TMEM106A: variants seen among roughly 807,000 people sequenced by gnomAD.
TMEM106A encodes the protein transmembrane protein 106A.
TMEM106A carries 22 observed loss-of-function variants against 25.1 expected under a neutral mutation model. The ratio of observed to expected loss-of-function variants is 0.88; its 90% confidence interval spans 0.63 to 1.25. TMEM106A has a LOEUF of 1.25. TMEM106A is among the 50% of genes most tolerant of loss of function. The probability of loss-of-function intolerance (pLI) is 0.00; values close to 1 mark genes in which losing one functional copy is unlikely to be tolerated. For synonymous variants in TMEM106A, 104 were observed against 129.9 expected (o/e 0.80, Z 1.35); for missense variants, 275 against 318.1 (o/e 0.86, Z 1.03).
intron 7 of TMEM106A, 108 bp from the exon 8 acceptor site, chr17:43,217,147 TGGAA>T: frequency 8.9e-7 from 1 of 1,124,060 alleles, no homozygotes; most frequent in Non-Finnish European, 1.4e-6. Context: ...GGGCACCTGA[TGGAA>T]GGAAAGAGTT....
At position 43,217,792 on chromosome 17, in the gene TMEM106A, C is replaced by A. The variant is rs1220893083; in HGVS notation, c.780C>A (p.His260Gln). 1.9e-6 allele frequency: 3 copies of A among 1,614,068 alleles called. No homozygotes were observed. Among genetic ancestry groups the A allele is most frequent in the Non-Finnish European group, 2.5e-6 (3 of 1,180,042 alleles). ...CTGTGCCCCACCAGCTGACCCCTCACCCACCATGACCTGTCTGCTGTCCCT... is the reference window on the plus strand; with the variant it reads ...CTGTGCCCCACCAGCTGACCCCTCAACCACCATGACCTGTCTGCTGTCCCT... Reference protein sequence around the residue: ...NASVPHQLTPHPP With the variant: ...NASVPHQLTPQPP Residue 260 changes from histidine to glutamine, a missense_variant, in exon 9 of 9, where the codon CAC becomes CAA. Physicochemically the swap from His to Gln is conservative, Grantham distance 24. Transcript: ENST00000612339.
chr17:43,217,816 C>T lies in TMEM106A; in HGVS notation c.*15C>T. On this transcript the variant is annotated 3_prime_UTR_variant, in exon 9 of 9. Coordinates refer to ENST00000612339, the MANE Select transcript of TMEM106A (RefSeq NM_145041.4). ...ACCCACCATGACCTGTCTGCTGTCC[C>T]TGTACTCCAGGCACCTGCAACCCTG... 6.2e-7 allele frequency: 1 copy of T among 1,614,002 alleles called. No individual in the cohort carries two copies. Among genetic ancestry groups the T allele is most frequent in the Non-Finnish European group, 8.5e-7 (1 of 1,179,918 alleles).
chr17:43,215,531 A>C (rs2057476712), intron 4 of TMEM106A, among the ~76,000 whole-genome samples: 1 of 152,196 alleles, frequency 6.6e-6, no homozygotes, highest in Admixed American at 6.5e-5. Context: ...AAGGAAACTG[A>C]GACTTAAGGA....
chr17:43,219,116 G>A lies in TMEM106A; in HGVS notation c.*1315G>A, dbSNP rs1301743386. On this transcript the variant is annotated 3_prime_UTR_variant, in exon 9 of 9. Coordinates refer to ENST00000612339, the MANE Select transcript of TMEM106A (RefSeq NM_145041.4). ...TCCACATCCTGAGCCCATGTGAGTG[G>A]ACACAGGTAGGTAAAACGGTGGGTC... is the stretch of plus-strand genomic sequence containing the variant. The A allele has an allele frequency of 1.3e-5, 2 of 152,200 alleles. No homozygotes were observed. The highest frequency in any genetic ancestry group is 2.4e-5 in the African/African-American group (1 of 41,446). 9.4% of individuals were successfully genotyped at this position (152,200 alleles called of 1,614,324 possible). A position where few individuals can be genotyped will look rare whatever the true frequency, so the allele number is the denominator to read the frequency against.
rs1255052966 is a variant in TMEM106A at position 43,215,796 on chromosome 17, T to C, written c.284T>C (p.Phe95Ser). Residue 95 changes from phenylalanine to serine, a missense_variant, in exon 5 of 9, where the codon TTT becomes TCT. Transcript: ENST00000612339. ...GTCCTGCTTTCCCACAGGAAGCTCT[T>C]TGTGTTCCTGGCCGTGCTCATCTGC... The part of the protein sequence containing the change: ...QRLKPKHTKL[F>S]VFLAVLICLV... 11 of 1,613,764 alleles carry C rather than the reference T, an allele frequency of 6.8e-6. 1 individual carries two copies. In the East Asian group the frequency reaches 1.8e-4, roughly 26 times the overall value.
rs374761858 is a variant in TMEM106A, at chr17:43,219,618, C to T, written c.*1817C>T. The T allele has an allele frequency of 4.6e-5, 7 of 151,478 alleles. No homozygotes were observed. The highest frequency in any genetic ancestry group is 3.3e-4 in the Admixed American group (5 of 15,160). 9.4% of individuals were successfully genotyped at this position (151,478 alleles called of 1,614,324 possible). On this transcript the variant is annotated 3_prime_UTR_variant, in exon 9 of 9. Coordinates refer to ENST00000612339, the MANE Select transcript of TMEM106A (RefSeq NM_145041.4). ...GTAATGGCGCACACCTGTAATCCCA[C>T]CTACTCAGGAGGCTGAGGCAGGAGA...
chr17:43,217,851 T>G lies in TMEM106A; in HGVS notation c.*50T>G. 6.2e-7 allele frequency: 1 copy of G among 1,610,098 alleles called. No individual in the cohort carries two copies. Among genetic ancestry groups the G allele is most frequent in the Non-Finnish European group, 8.5e-7 (1 of 1,177,850 alleles). On this transcript the variant is annotated 3_prime_UTR_variant, in exon 9 of 9. Transcript: ENST00000612339. The stretch of plus-strand genomic sequence containing the variant: ...GGCACCTGCAACCCTGGTCTATATC[T>G]CCCACAACTCCCTGGTGACTAAGGA...
chr17:43,217,639 T>TA (rs2057498880), intron 8 of TMEM106A, 42 bp from the exon 9 acceptor site: 1 of 1,612,302 alleles, frequency 6.2e-7, no homozygotes, highest in Non-Finnish European at 8.5e-7. Flanking sequence ...AGAGCTTTCC[T>TA]TTTCCTCCCA....
At position 43,217,708 on chromosome 17, in the gene TMEM106A, C is replaced by T; in HGVS notation, c.696C>T (p.Ser232=). 9 of 1,614,198 alleles carry T rather than the reference C, an allele frequency of 5.6e-6. No individual in the cohort carries two copies. The highest frequency in any genetic ancestry group is 7.6e-6 in the Non-Finnish European group (9 of 1,180,032). ...IQGTLTCSYL[S]HSEQLVFQSY... is the part of the protein sequence containing the mutation. The stretch of plus-strand genomic sequence containing the variant: ...GCACCCTGACCTGTTCATACCTGAG[C>T]CATTCAGAGCAGCTGGTCTTTCAGA... The change falls in exon 9 of 9, where the codon AGC becomes AGT. Residue 232 remains serine, a synonymous_variant. Coordinates refer to ENST00000612339, the MANE Select transcript of TMEM106A (RefSeq NM_145041.4).
Position 43,215,717 on chromosome 17 carries a change from A to T in TMEM106A, c.276-71A>T, listed in dbSNP as rs2057478542. 1.1e-5 allele frequency: 17 copies of T among 1,559,296 alleles called. No homozygotes were observed. In the South Asian group the frequency reaches 1.9e-4, roughly 18 times the overall value. On this transcript the variant is annotated intron_variant, in intron 4 of 8. Transcript: ENST00000612339. Reference sequence around the variant, plus strand: ...CTTTGTATATGGAGAGGAGTGTCTGAACCCCCTCTCCGAGTTTCCTTGGTG... The same window carrying T: ...CTTTGTATATGGAGAGGAGTGTCTGTACCCCCTCTCCGAGTTTCCTTGGTG...
chr17:43,213,363 G>A, intron 3 of TMEM106A, 111 bp downstream of exon 3: 1 of 1,130,352 alleles, frequency 8.8e-7, no homozygotes, highest in South Asian at 1.4e-5. Flanking sequence ...TCTGCTCCCA[G>A]CTCTTGACCT....
Position 43,217,720 on chromosome 17 carries a change from G to T in TMEM106A, c.708G>T (p.Gln236His). Residue 236 changes from glutamine (Q) to histidine (H), a missense_variant, in exon 9 of 9, where the codon CAG becomes CAT. Transcript: ENST00000612339. ...GTTCATACCTGAGCCATTCAGAGCAGCTGGTCTTTCAGAGCTATGAATATG... is the reference window on the plus strand; with the variant it reads ...GTTCATACCTGAGCCATTCAGAGCATCTGGTCTTTCAGAGCTATGAATATG... ...LTCSYLSHSEQLVFQSYEYVD... is the reference protein window; with the variant it reads ...LTCSYLSHSEHLVFQSYEYVD... The T allele has an allele frequency of 6.2e-7, 1 of 1,614,198 alleles. No individual in the cohort carries two copies. The highest frequency in any genetic ancestry group is 2.2e-5 in the East Asian group (1 of 44,878).
intron 4 of TMEM106A, among the ~76,000 whole-genome samples, chr17:43,215,343 T>C (rs1326575885): frequency 2.0e-5 from 3 of 152,260 alleles, no homozygotes; most frequent in Non-Finnish European, 4.4e-5. Context: ...GGATGGATGG[T>C]GTCCTGTTCT....
In TMEM106A at chr17:43,217,702, C is replaced by G. The variant is rs1431458298; in HGVS notation, c.690C>G (p.Tyr230Ter). 1.9e-6 allele frequency: 3 copies of G among 1,614,098 alleles called. No homozygotes were observed. The highest frequency in any genetic ancestry group is 2.7e-5 in the African/African-American group (2 of 74,930). ...LHIQGTLTCSYLSHSEQLVFQ... is the reference protein window; with the variant it reads ...LHIQGTLTCS ...CCAGGGGCACCCTGACCTGTTCATACCTGAGCCATTCAGAGCAGCTGGTCT... is the reference window on the plus strand; with the variant it reads ...CCAGGGGCACCCTGACCTGTTCATAGCTGAGCCATTCAGAGCAGCTGGTCT... The change falls in exon 9 of 9, where the codon TAC becomes TAG. Residue 230 changes from tyrosine (Y) to a stop codon, truncating the protein, a stop_gained. Transcript: ENST00000612339. LOFTEE classifies it low-confidence loss of function (END_TRUNC).
chr17:43,216,383 C>T, intron 5 of TMEM106A, 66 bp from the exon 6 acceptor site: 8 of 1,591,940 alleles, frequency 5.0e-6, no homozygotes, highest in Non-Finnish European at 6.9e-6. Flanking sequence ...CAGGCTTTTG[C>T]AACTGTTTGG....
In TMEM106A at chr17:43,212,928, AGCTCCTTGCCAGTCTTGAG is replaced by A. The variant is rs1279197447; in HGVS notation, c.-21-92_-21-74del. On this transcript the variant is annotated intron_variant, in intron 2 of 8. Coordinates refer to ENST00000612339, the MANE Select transcript of TMEM106A (RefSeq NM_145041.4). ...CTTGAGCTTGCTTAAACTGTGGTGA[AGCTCCTTGCCAGTCTTGAG>A]AACTTCAAACCAAAATTACATCTGG... 5 of 911,842 alleles carry A rather than the reference AGCTCCTTGCCAGTCTTGAG, an allele frequency of 5.5e-6. No homozygotes were observed. In the East Asian group the frequency reaches 1.3e-4, roughly 24 times the overall value. 56.5% of individuals were successfully genotyped at this position (911,842 alleles called of 1,614,324 possible).
intron 5 of TMEM106A, among the ~76,000 whole-genome samples, 179 bp from the exon 6 acceptor site, chr17:43,216,270 G>A (rs1323340756): frequency 2.0e-5 from 3 of 152,178 alleles, no homozygotes; most frequent in South Asian, 4.1e-4. Context: ...GCTTAACTTC[G>A]TAAAGTTGAC....
Position 43,213,142 on chromosome 17 carries a change from C to T in TMEM106A, c.101C>T (p.Ser34Phe), listed in dbSNP as rs758384905. The change falls in exon 3 of 9, where the codon TCC (serine) becomes TTC (phenylalanine). Residue 34 changes from serine (S) to phenylalanine (F), a missense_variant. By Grantham distance (155) the Ser-to-Phe change is radical. Coordinates refer to ENST00000612339, the MANE Select transcript of TMEM106A (RefSeq NM_145041.4). Reference protein sequence around the residue: ...PAIGSKAVNYSSTGSSKSFCS... With the variant: ...PAIGSKAVNYFSTGSSKSFCS... ...ATTGGCAGCAAGGCTGTCAACTACT[C>T]CAGCACCGGTAGCAGCAAGTCTTTT... is the stretch of plus-strand genomic sequence containing the variant. 9.4e-5 allele frequency: 152 copies of T among 1,614,080 alleles called. 1 individual carries two copies. The highest frequency in any genetic ancestry group is 2.0e-5 in the Non-Finnish European group (24 of 1,180,046).
intron 4 of TMEM106A, among the ~76,000 whole-genome samples, 197 bp from the exon 5 acceptor site, chr17:43,215,591 G>A (rs2057477175): frequency 6.6e-6 from 1 of 152,146 alleles, no homozygotes; most frequent in Non-Finnish European, 1.5e-5. Flanking sequence ...CAGAGATCTG[G>A]GAGTGGAAAC....
Sources: gnomAD v4.1 joint callset for allele counts (sites outside exome capture counted in the v4.1 genomes callset) on GRCh38, gnomAD v4.1.1 for gene constraint, MANE v1.5 for transcripts, NCBI Gene and HGNC (gene_info 2026-07-23, HGNC 2026-07-21) for gene names.